HHAT: variants seen among roughly 807,000 people sequenced by gnomAD.
HHAT encodes the protein hedgehog acyltransferase.
Under a neutral mutation model 70.8 loss-of-function variants are expected in HHAT, and 47 were observed. The ratio of observed to expected loss-of-function variants is 0.66; its 90% CI spans 0.53 to 0.85. The LOEUF (loss-of-function observed/expected upper bound fraction) is 0.85, where lower values mean the gene tolerates loss of function less well. Among genes scored for constraint, HHAT ranks in the 40% least tolerant of loss-of-function variants. The pLI, the probability that HHAT is intolerant of heterozygous loss-of-function variation, is 0.00. For missense variants in HHAT, 609 were observed against 604.8 expected, an observed-to-expected ratio of 1.01 and a Z score of -0.07; for synonymous variants, 228 against 247.6, an observed-to-expected ratio of 0.92 and a Z score of 0.74.
At chr1:210,502,564 T>C (rs1026137374) in intron 8 of HHAT, among the ~76,000 whole-genome samples, 1 of 152,180 alleles carries the variant, frequency 6.6e-6, no homozygotes, top group Non-Finnish European at 1.5e-5. Context: ...GGGAAAATCA[T>C]TGAATCATGC....
intron 4 of HHAT, among the ~76,000 whole-genome samples, chr1:210,399,164 C>T (rs1451511230): frequency 2.0e-5 from 3 of 152,196 alleles, no homozygotes; most frequent in African/African-American, 4.8e-5. Flanking sequence ...AATGCATGCC[C>T]GTGAGACATC....
At chr1:210,608,020 T>C (rs553290943) in intron 10 of HHAT, among the ~76,000 whole-genome samples, 1 of 152,356 alleles carries the variant, frequency 6.6e-6, no homozygotes, top group African/African-American at 2.4e-5. Context: ...TATGATAGTA[T>C]ATGCAGATCT....
chr1:210,418,077 T>A, intron 6 of HHAT, 77 bp from the exon 7 acceptor site: 1 of 1,406,428 alleles, frequency 7.1e-7, no homozygotes. Flanking sequence ...TTGTGGGAAG[T>A]TTATGAAAAA....
intron 8 of HHAT, among the ~76,000 whole-genome samples, chr1:210,483,296 G>C (rs985947933): frequency 1.3e-5 from 2 of 152,166 alleles, no homozygotes; most frequent in East Asian, 1.9e-4. Context: ...AGACAAGCTA[G>C]AGAGCTAGAC....
intron 6 of HHAT, among the ~76,000 whole-genome samples, chr1:210,406,990 A>G (rs1558454313): frequency 2.6e-5 from 4 of 152,114 alleles, no homozygotes; most frequent in Admixed American, 1.3e-4. Flanking sequence ...TAAAACCTCT[A>G]TGTTTGGGGG....
Position 210,519,041 on chromosome 1 carries a change from C to T in HHAT, c.1043+5853C>T, listed in dbSNP as rs139347179. On this transcript the variant is annotated intron_variant, in intron 9 of 11. Transcript: ENST00000261458. ...TCTTGGGAGGTCATTTCAGCAGCTA[C>T]TAGGTAAAACTGGTCTTAGGGTTAC... 3.0e-3 allele frequency among the ~76,000 whole-genome samples: 460 copies of T among 152,292 alleles called. 2 individuals are homozygous for T. The highest frequency in any genetic ancestry group is 0.011 in the African/African-American group (445 of 41,562).
chr1:210,359,160 G>T (rs535373569), intron 2 of HHAT, among the ~76,000 whole-genome samples: 2 of 152,268 alleles, frequency 1.3e-5, no homozygotes, highest in Admixed American at 6.5e-5. Flanking sequence ...GGCACAGAAG[G>T]CTTCTTTTCT....
intron 11 of HHAT, among the ~76,000 whole-genome samples, chr1:210,647,589 T>C (rs1445295271): frequency 6.6e-6 from 1 of 152,084 alleles, no homozygotes; most frequent in East Asian, 1.9e-4. Context: ...TGTAAACCTG[T>C]CCACTCCTTT....
chr1:210,665,406 T>TG (rs1678683238), intron 11 of HHAT, among the ~76,000 whole-genome samples: 1 of 152,156 alleles, frequency 6.6e-6, no homozygotes, highest in Non-Finnish European at 1.5e-5. Flanking sequence ...TTTGAGTCAC[T>TG]GGGGGGACAT....
At chr1:210,373,945 G>A (rs1039954430) in intron 3 of HHAT, among the ~76,000 whole-genome samples, 10 of 152,300 alleles carry the variant, frequency 6.6e-5, no homozygotes, top group African/African-American at 2.4e-4. Context: ...CAATGTTAAT[G>A]TTGCTAATTA....
intron 9 of HHAT, among the ~76,000 whole-genome samples, chr1:210,522,769 AC>A (rs1573011470): frequency 7.0e-6 from 1 of 141,928 alleles, no homozygotes. Flanking sequence ...CTTGCCCCCC[AC>A]CCCCCAATCC....
intron 11 of HHAT, among the ~76,000 whole-genome samples, chr1:210,637,567 A>G (rs1672110264): frequency 6.6e-6 from 1 of 152,178 alleles, no homozygotes; most frequent in African/African-American, 2.4e-5. Flanking sequence ...AAATCACCCA[A>G]TTAAAAATGG....
intron 8 of HHAT, among the ~76,000 whole-genome samples, chr1:210,478,522 C>T (rs74705904): frequency 0.061 from 9,359 of 152,212 alleles, 364 homozygotes; most frequent in Non-Finnish European, 0.087. Context: ...TCTCTGGAAT[C>T]TAAGAAAATC....
At chr1:210,401,295 G>T (rs755943780) in intron 5 of HHAT, among the ~76,000 whole-genome samples, 4 of 152,114 alleles carry the variant, frequency 2.6e-5, no homozygotes, top group Non-Finnish European at 5.9e-5. Context: ...TGTATTTTTA[G>T]TAGAGATGGG....
chr1:210,668,420 G>C (rs542331034), intron 11 of HHAT, among the ~76,000 whole-genome samples: 1 of 152,276 alleles, frequency 6.6e-6, no homozygotes, highest in South Asian at 2.1e-4. Context: ...GAATCATGGG[G>C]GTGGGTTTTC....
intron 9 of HHAT, among the ~76,000 whole-genome samples, chr1:210,566,587 A>T (rs1054520073): frequency 8.5e-5 from 13 of 152,138 alleles, no homozygotes; most frequent in African/African-American, 3.1e-4. Context: ...GTGGCAGAAC[A>T]GCATGGCAGA....
intron 7 of HHAT, among the ~76,000 whole-genome samples, chr1:210,425,382 T>G (rs759999887): frequency 6.6e-6 from 1 of 152,188 alleles, no homozygotes; most frequent in Non-Finnish European, 1.5e-5. Context: ...TTTGTTGCAA[T>G]TGCTTTTGTC....
At chr1:210,455,864 A>G (rs956183401) in intron 7 of HHAT, among the ~76,000 whole-genome samples, 3 of 152,152 alleles carry the variant, frequency 2.0e-5, no homozygotes, top group Non-Finnish European at 4.4e-5. Context: ...GTATCTGTTT[A>G]TGCTTTTACT....
At chr1:210,403,364 A>G (rs554824799) in intron 5 of HHAT, among the ~76,000 whole-genome samples, 1 of 152,340 alleles carries the variant, frequency 6.6e-6, no homozygotes, top group South Asian at 2.1e-4. Context: ...ATCTAATTCC[A>G]TTTATCATTT....
Sources: allele counts gnomAD v4.1 joint callset (sites outside exome capture counted in the v4.1 genomes callset), GRCh38; gene constraint gnomAD v4.1.1; transcripts MANE v1.5; gene names NCBI Gene and HGNC (gene_info 2026-07-23, HGNC 2026-07-21).